The following SLC4A4 variants were observed in gnomAD, a reference collection of about 807,000 sequenced individuals.
The protein encoded by SLC4A4 is solute carrier family 4 member 4, also known as electrogenic sodium bicarbonate cotransporter 1.
A neutral mutation model predicts 111.5 loss-of-function variants in SLC4A4; 27 were observed. The observed-to-expected ratio is 0.24, with a 90% CI of 0.18 to 0.33. The LOEUF (loss-of-function observed/expected upper bound fraction) is 0.33. SLC4A4 is among the 10% of genes least tolerant of loss of function. The probability of loss-of-function intolerance (pLI) is 1.00; values close to 1 mark genes in which losing one functional copy is unlikely to be tolerated. For synonymous variants in SLC4A4, 443 were observed against 463.4 expected (o/e 0.96, Z 0.57); for missense variants, 909 against 1,315.5 (o/e 0.69, Z 4.78).
At chr4:71,445,592 C>T (rs1365894967) in intron 8 of SLC4A4, among the ~76,000 whole-genome samples, 1 of 152,062 alleles carries the variant, frequency 6.6e-6, no homozygotes, top group African/African-American at 2.4e-5. Context: ...TACTAAGGAT[C>T]CAGGTGTTAG....
At chr4:71,219,539 G>A (rs1001636978) in intron 1 of SLC4A4, among the ~76,000 whole-genome samples, 4 of 152,178 alleles carry the variant, frequency 2.6e-5, no homozygotes, top group African/African-American at 4.8e-5. Context: ...CTTTCATTCT[G>A]CAGCTCATGG....
At chr4:71,147,376 C>A (rs752880503) in intron 2 of SLC4A4, among the ~76,000 whole-genome samples, 14 of 152,148 alleles carry the variant, frequency 9.2e-5, no homozygotes, top group South Asian at 8.3e-4. Flanking sequence ...TGCCTTTTTC[C>A]CAACTCTCCT....
intron 14 of SLC4A4, among the ~76,000 whole-genome samples, chr4:71,479,964 T>C (rs1310926549): frequency 6.6e-6 from 1 of 151,452 alleles, no homozygotes; most frequent in East Asian, 2.0e-4. Context: ...CAAGATGTAA[T>C]GATGGGTGGG....
chr4:71,171,698 T>A (rs187862807), intron 2 of SLC4A4, among the ~76,000 whole-genome samples: 7 of 152,350 alleles, frequency 4.6e-5, no homozygotes, highest in African/African-American at 1.7e-4. Flanking sequence ...ACAGCACCAC[T>A]ATACCTAGTA....
chr4:71,065,175 T>C (rs1376024746), intron 1 of SLC4A4, among the ~76,000 whole-genome samples: 2 of 152,228 alleles, frequency 1.3e-5, no homozygotes, highest in Non-Finnish European at 2.9e-5. Flanking sequence ...ATTTATAAGA[T>C]TTTTGTCATG....
At chr4:71,307,657 A>G (rs1409869821) in intron 3 of SLC4A4, among the ~76,000 whole-genome samples, 1 of 152,218 alleles carries the variant, frequency 6.6e-6, no homozygotes, top group Non-Finnish European at 1.5e-5. Context: ...GATAGAGAGT[A>G]TGGGTGAAAA....
chr4:71,206,729 C>T (rs913375205), intron 1 of SLC4A4, among the ~76,000 whole-genome samples: 1 of 151,920 alleles, frequency 6.6e-6, no homozygotes, highest in African/African-American at 2.4e-5. Flanking sequence ...TGAAATCTGT[C>T]AATAATCTGT....
chr4:71,157,490 T>C (rs2148975738), intron 2 of SLC4A4, among the ~76,000 whole-genome samples: 1 of 152,314 alleles, frequency 6.6e-6, no homozygotes, highest in East Asian at 1.9e-4. Context: ...GTCTAGATCT[T>C]TTGCATACCA....
rs1293512705 is a variant in SLC4A4 at position 71,357,058 on chromosome 4, A to T, written c.601A>T (p.Lys201Ter). 1.2e-6 allele frequency: 2 copies of T among 1,614,138 alleles called. No homozygotes were observed. The highest frequency in any genetic ancestry group is 1.6e-4 in the Middle Eastern group (1 of 6,062). Residue 201 changes from lysine (K) to a stop codon, truncating the protein, a stop_gained, in exon 6 of 26, where the codon AAG (lysine) becomes TAG (stop). Transcript: ENST00000264485. LOFTEE classifies it high-confidence loss of function. The stretch of plus-strand genomic sequence containing the variant: ...GACAGGCCTATTGAAACCTGAACTT[A>T]AGGATAAGGTGACCTATACTTTGCT... ...IETGLLKPEL[K>*]DKVTYTLLRK...
intron 1 of SLC4A4, among the ~76,000 whole-genome samples, chr4:71,191,824 A>G (rs191761469): frequency 3.2e-4 from 49 of 152,310 alleles, no homozygotes; most frequent in African/African-American, 1.1e-3. Flanking sequence ...CCACCAACTG[A>G]TATTTTGGAG....
intron 3 of SLC4A4, among the ~76,000 whole-genome samples, chr4:71,330,427 C>A (rs1026605391): frequency 6.6e-6 from 1 of 152,070 alleles, no homozygotes; most frequent in Non-Finnish European, 1.5e-5. Flanking sequence ...AGAAATAATA[C>A]CACACATCTA....
At chr4:71,282,015 C>T (rs1723558136) in intron 3 of SLC4A4, among the ~76,000 whole-genome samples, 1 of 150,172 alleles carries the variant, frequency 6.7e-6, no homozygotes, top group Non-Finnish European at 1.5e-5. Flanking sequence ...TGGGTGACCT[C>T]AGTTTTTGTT....
intron 2 of SLC4A4, among the ~76,000 whole-genome samples, chr4:71,164,168 G>A (rs1389830830): frequency 6.6e-6 from 1 of 152,102 alleles, no homozygotes; most frequent in Non-Finnish European, 1.5e-5. Context: ...ATTACCTGAG[G>A]TCAGGAGTTT....
At chr4:71,472,991 G>A (rs1217202574) in intron 14 of SLC4A4, 21 bp downstream of exon 14, 1 of 1,612,630 alleles carries the variant, frequency 6.2e-7, no homozygotes, top group Admixed American at 1.7e-5. Flanking sequence ...TACGCTTTGT[G>A]TTTATGCTCG....
intron 2 of SLC4A4, among the ~76,000 whole-genome samples, chr4:71,143,146 T>A (rs546876931): frequency 1.3e-5 from 2 of 152,092 alleles, no homozygotes; most frequent in African/African-American, 4.8e-5. Context: ...CCCCTTCCTG[T>A]GTCCATGTGT....
intron 13 of SLC4A4, among the ~76,000 whole-genome samples, chr4:71,472,146 T>C (rs556901212): frequency 2.6e-4 from 39 of 152,116 alleles, no homozygotes; most frequent in Middle Eastern, 3.4e-3. Flanking sequence ...TACTTATCCT[T>C]GAACACCTTG....
chr4:71,075,252 T>C (rs1309430013), intron 1 of SLC4A4, among the ~76,000 whole-genome samples: 1 of 152,210 alleles, frequency 6.6e-6, no homozygotes, highest in Admixed American at 6.5e-5. Flanking sequence ...CAAAGCAGTG[T>C]GTTGTTCATC....
At chr4:71,433,385 A>G (rs1723820922) in intron 7 of SLC4A4, among the ~76,000 whole-genome samples, 1 of 151,850 alleles carries the variant, frequency 6.6e-6, no homozygotes, top group African/African-American at 2.4e-5. Context: ...AAGATACTTA[A>G]ACTGCTTCTG....
intron 2 of SLC4A4, among the ~76,000 whole-genome samples, chr4:71,103,606 A>G (rs370036949): frequency 1.3e-5 from 2 of 152,178 alleles, no homozygotes; most frequent in African/African-American, 2.4e-5. Flanking sequence ...TAGAACTCAG[A>G]ATTAAGAATC....
Sources: gnomAD v4.1 joint callset for allele counts (sites outside exome capture counted in the v4.1 genomes callset) on GRCh38, gnomAD v4.1.1 for gene constraint, MANE v1.5 for transcripts, NCBI Gene and HGNC (gene_info 2026-07-23, HGNC 2026-07-21) for gene names.